The following KCNIP1 variants were observed in gnomAD, a reference collection of about 807,000 sequenced individuals.
KCNIP1 encodes the protein A-type potassium channel modulatory protein KCNIP1.
KCNIP1 carries 18 observed loss-of-function variants against 33.0 expected under a neutral mutation model. That is an observed-to-expected ratio of 0.55 (90% CI 0.38 to 0.81). The LOEUF (loss-of-function observed/expected upper bound fraction) is 0.81, where lower values mean the gene tolerates loss of function less well. Among genes scored for constraint, KCNIP1 ranks in the 30% least tolerant of loss-of-function variants. The pLI is 0.00. For missense variants in KCNIP1, 238 were observed against 271.6 expected (o/e 0.88, Z 0.87); for synonymous variants, 93 against 98.3 (o/e 0.95, Z 0.32).
At chr5:170,568,657 A>AAAAAAAAAAAAAAAAAAAAAAAAT (rs1757288468) in intron 1 of KCNIP1, among the ~76,000 whole-genome samples, 1 of 139,832 alleles carries the variant, frequency 7.2e-6, no homozygotes, top group African/African-American at 2.9e-5. Context: ...CTAAAAAAAA[A>AAAAAAAAAAAAAAAAAAAAAAAAT]AAAAAAAAAA....
chr5:170,712,917 G>C, intron 1 of KCNIP1: 1 of 1,591,682 alleles, frequency 6.3e-7, no homozygotes, highest in Non-Finnish European at 8.6e-7. Context: ...ACCTGACTTT[G>C]GTCACATGAC....
intron 4 of KCNIP1, 57 bp downstream of exon 4, chr5:170,721,960 C>G: frequency 1.3e-6 from 2 of 1,593,462 alleles, no homozygotes; most frequent in East Asian, 2.2e-5. Context: ...ACCTCCCCCT[C>G]TAAATCTCAA....
At chr5:170,443,642 G>A (rs975438364) in intron 1 of KCNIP1, among the ~76,000 whole-genome samples, 1 of 152,216 alleles carries the variant, frequency 6.6e-6, no homozygotes, top group African/African-American at 2.4e-5. Flanking sequence ...CACCACTCCT[G>A]TCCTCGTCCT....
chr5:170,688,749 A>T (rs1762623955), intron 1 of KCNIP1, among the ~76,000 whole-genome samples: 1 of 152,208 alleles, frequency 6.6e-6, no homozygotes, highest in South Asian at 2.1e-4. Context: ...TGTGGCCCAG[A>T]GGGAGAGCCC....
intron 1 of KCNIP1, among the ~76,000 whole-genome samples, chr5:170,473,531 G>A (rs769603808): frequency 4.6e-5 from 7 of 152,162 alleles, no homozygotes; most frequent in African/African-American, 7.2e-5. Flanking sequence ...AAATCAGGGA[G>A]GGGCCAGGAG....
At chr5:170,601,792 G>T (rs953213883) in intron 1 of KCNIP1, among the ~76,000 whole-genome samples, 1 of 152,222 alleles carries the variant, frequency 6.6e-6, no homozygotes, top group Non-Finnish European at 1.5e-5. Context: ...TGTAACGGAG[G>T]CATCGAGCAT....
At chr5:170,629,687 C>G (rs1357129484) in intron 1 of KCNIP1, among the ~76,000 whole-genome samples, 1 of 152,152 alleles carries the variant, frequency 6.6e-6, no homozygotes, top group Non-Finnish European at 1.5e-5. Flanking sequence ...GGCCCTGACG[C>G]CCTCCTCTCT....
At chr5:170,432,036 C>CTTT (rs528593013) in intron 1 of KCNIP1, among the ~76,000 whole-genome samples, 1,471 of 145,500 alleles carry the variant, frequency 0.01, 28 homozygotes, top group African/African-American at 0.034. Context: ...CTCTCTTTCT[C>CTTT]TTTTTTTTTT....
At chr5:170,551,582 T>C (rs1756635856) in intron 1 of KCNIP1, among the ~76,000 whole-genome samples, 1 of 152,192 alleles carries the variant, frequency 6.6e-6, no homozygotes, top group Admixed American at 6.5e-5. Flanking sequence ...TTCTCTTTCC[T>C]TCACCACACA....
intron 1 of KCNIP1, among the ~76,000 whole-genome samples, chr5:170,704,854 C>T (rs566016729): frequency 2.2e-4 from 33 of 152,196 alleles, no homozygotes; most frequent in Non-Finnish European, 3.7e-4. Flanking sequence ...GGGATGCCTT[C>T]ATGGTAATGA....
At chr5:170,494,356 G>A (rs879145703) in intron 1 of KCNIP1, among the ~76,000 whole-genome samples, 3 of 152,220 alleles carry the variant, frequency 2.0e-5, no homozygotes, top group Admixed American at 2.0e-4. Flanking sequence ...GCAAGAAGGA[G>A]CAACAGAAAA....
At chr5:170,644,277 C>A (rs1403360896) in intron 1 of KCNIP1, among the ~76,000 whole-genome samples, 1 of 152,248 alleles carries the variant, frequency 6.6e-6, no homozygotes, top group Non-Finnish European at 1.5e-5. Flanking sequence ...GAAACAAGGT[C>A]CCTGCCCTCA....
At chr5:170,461,911 A>G (rs573173794) in intron 1 of KCNIP1, among the ~76,000 whole-genome samples, 1 of 152,326 alleles carries the variant, frequency 6.6e-6, no homozygotes, top group South Asian at 2.1e-4. Flanking sequence ...GGCAAGCCAC[A>G]TGTAGGAGAA....
In KCNIP1 at chr5:170,733,890, T is replaced by C; in HGVS notation, c.595T>C (p.Cys199Arg). 6.2e-7 allele frequency: 1 copy of C among 1,613,470 alleles called. No homozygotes were observed. Among genetic ancestry groups the C allele is most frequent in the Non-Finnish European group, 8.5e-7 (1 of 1,179,444 alleles). ...IVTLDEFLES[C>R]QEDDNIMRSL... Reference sequence around the variant, plus strand: ...AACTTTAGATGAATTTCTTGAATCATGTCAGGAGGTAAGGAGAGATCTCAG... The same window carrying C: ...AACTTTAGATGAATTTCTTGAATCACGTCAGGAGGTAAGGAGAGATCTCAG... Residue 199 changes from cysteine (C) to arginine (R), a missense_variant, in exon 7 of 8, where the codon TGT becomes CGT. Physicochemically the swap from Cys to Arg is radical, Grantham distance 180. Transcript: ENST00000328939.
At chr5:170,666,205 GGTTATAATCCAATAGT>G (rs1211117257) in intron 1 of KCNIP1, among the ~76,000 whole-genome samples, 3 of 152,052 alleles carry the variant, frequency 2.0e-5, no homozygotes, top group Non-Finnish European at 4.4e-5. Context: ...TGACACTTTG[GGTTATAATCCAATAGT>G]ATTTTACTTC....
At chr5:170,491,393 CA>C (rs1346585474) in intron 1 of KCNIP1, among the ~76,000 whole-genome samples, 1 of 152,200 alleles carries the variant, frequency 6.6e-6, no homozygotes, top group Non-Finnish European at 1.5e-5. Flanking sequence ...TAAACACATA[CA>C]CCTGCTTCGG....
At chr5:170,357,680 C>T (rs1345801008) in intron 1 of KCNIP1, among the ~76,000 whole-genome samples, 1 of 152,184 alleles carries the variant, frequency 6.6e-6, no homozygotes, top group Non-Finnish European at 1.5e-5. Context: ...CACATGTGCA[C>T]CACCACAACC....
intron 1 of KCNIP1, among the ~76,000 whole-genome samples, chr5:170,701,411 C>T (rs927722043): frequency 2.0e-5 from 3 of 152,316 alleles, no homozygotes; most frequent in Non-Finnish European, 4.4e-5. Flanking sequence ...GAGCTCTGAT[C>T]TGGAAAGTTC....
intron 1 of KCNIP1, among the ~76,000 whole-genome samples, chr5:170,412,341 GC>G (rs1467163796): frequency 6.6e-6 from 1 of 152,194 alleles, no homozygotes; most frequent in African/African-American, 2.4e-5. Flanking sequence ...GAAGGAGGAA[GC>G]CTTGAATGTG....
Sources: allele counts gnomAD v4.1 joint callset (sites outside exome capture counted in the v4.1 genomes callset), GRCh38; gene constraint gnomAD v4.1.1; transcripts MANE v1.5; gene names NCBI Gene and HGNC (gene_info 2026-07-23, HGNC 2026-07-21).